The following ZBTB20 variants were observed in gnomAD, a reference collection of about 807,000 sequenced individuals.
The protein encoded by ZBTB20 is zinc finger and BTB domain-containing protein 20.
ZBTB20 carries 9 observed loss-of-function variants against 56.9 expected under a neutral mutation model. The observed-to-expected ratio is 0.16, with a 90% CI of 0.10 to 0.28. The LOEUF is 0.28. Among genes scored for constraint, ZBTB20 ranks in the 10% least tolerant of loss-of-function variants. ZBTB20 has a pLI of 1.00. For missense variants in ZBTB20, 655 were observed against 1,003.0 expected (o/e 0.65, Z 4.69); for synonymous variants, 417 against 420.7 (o/e 0.99, Z 0.11).
chr3:114,744,961 A>T (rs1002161687), intron 5 of ZBTB20, among the ~76,000 whole-genome samples: 6 of 152,160 alleles, frequency 3.9e-5, no homozygotes, highest in African/African-American at 7.2e-5. Flanking sequence ...AAGAAGAGAC[A>T]ATAGTAACAC....
intron 6 of ZBTB20, among the ~76,000 whole-genome samples, chr3:114,686,828 T>C (rs958202996): frequency 1.3e-5 from 2 of 152,140 alleles, no homozygotes; most frequent in Admixed American, 1.3e-4. Context: ...TTGGCAGAAC[T>C]TCCTTCCTTC....
intron 6 of ZBTB20, among the ~76,000 whole-genome samples, chr3:114,506,013 G>A (rs147468958): frequency 6.6e-6 from 1 of 152,094 alleles, no homozygotes; most frequent in African/African-American, 2.4e-5. Flanking sequence ...TGTGCATACA[G>A]AACCTGTGCC....
At chr3:114,579,013 T>C (rs930457427) in intron 6 of ZBTB20, among the ~76,000 whole-genome samples, 11 of 151,844 alleles carry the variant, frequency 7.2e-5, no homozygotes, top group Admixed American at 6.6e-4. Flanking sequence ...AATTAAAAGA[T>C]GCTATGTTAA....
At chr3:115,093,488 A>T (rs1293608510) in intron 1 of ZBTB20, among the ~76,000 whole-genome samples, 1 of 152,194 alleles carries the variant, frequency 6.6e-6, no homozygotes, top group Non-Finnish European at 1.5e-5. Context: ...GAAAGCCATT[A>T]TGTGAAACAA....
Position 114,350,476 on chromosome 3 carries a change from G to A in ZBTB20, c.1602C>T (p.Gly534=), listed in dbSNP as rs1200011856. Residue 534 remains glycine (G), a synonymous_variant, in exon 11 of 12, where the codon GGC becomes GGT. Transcript: ENST00000675478. ...ACACTGTCACAAACTGGGTCTGCTG[G>A]CCTGCCAGGGGCTGTGGCAGGCTGA... ...FLFSLPQPLA[G]QQTQFVTVSQ... The A allele has an allele frequency of 1.2e-6, 2 of 1,614,100 alleles. No individual in the cohort carries two copies. The highest frequency in any genetic ancestry group is 3.3e-4 in the Middle Eastern group (2 of 6,062).
At chr3:114,861,524 AT>A (rs2075528516) in intron 4 of ZBTB20, among the ~76,000 whole-genome samples, 1 of 152,192 alleles carries the variant, frequency 6.6e-6, no homozygotes, top group South Asian at 2.1e-4. Flanking sequence ...ATTCTAGACA[AT>A]TAACAAAGTC....
chr3:114,567,302 T>A (rs16822966), intron 6 of ZBTB20, among the ~76,000 whole-genome samples: 4 of 152,218 alleles, frequency 2.6e-5, no homozygotes, highest in African/African-American at 9.6e-5. Flanking sequence ...GGGAAAAAAA[T>A]TGCAGTGAAA....
intron 1 of ZBTB20, among the ~76,000 whole-genome samples, chr3:115,106,232 CTTTT>C (rs1271544340): frequency 2.3e-5 from 3 of 130,510 alleles, no homozygotes; most frequent in Non-Finnish European, 3.3e-5. Flanking sequence ...CACAATAATT[CTTTT>C]TTTTTTTTTT....
At chr3:114,951,691 C>CAAT (rs2077072031) in intron 3 of ZBTB20, among the ~76,000 whole-genome samples, 2 of 152,012 alleles carry the variant, frequency 1.3e-5, no homozygotes, top group South Asian at 4.2e-4. Context: ...CATAGAATTT[C>CAAT]AATATGACTC....
chr3:114,393,230 T>C (rs531672206), intron 7 of ZBTB20, among the ~76,000 whole-genome samples: 23 of 120,208 alleles, frequency 1.9e-4, no homozygotes, highest in African/African-American at 5.3e-4. Context: ...CTTCACCAGA[T>C]AGAACTTACT....
In ZBTB20 at chr3:114,768,836, T is replaced by C. The variant is rs532229315; in HGVS notation, c.-343+32265A>G. Among the ~76,000 whole-genome samples the C allele has an allele frequency of 3.3e-5, 5 of 152,288 alleles. No homozygotes were observed. In the East Asian group the frequency reaches 5.8e-4, roughly 18 times the overall value. ...TCATTAATATCACAAATCTAACATGTGGTAGAGCAAAGGCTAGAACTCACA... is the reference window on the plus strand; with the variant it reads ...TCATTAATATCACAAATCTAACATGCGGTAGAGCAAAGGCTAGAACTCACA... On this transcript the variant is annotated intron_variant, in intron 5 of 11. Transcript: ENST00000675478.
chr3:115,090,462 T>C (rs572368087), intron 1 of ZBTB20, among the ~76,000 whole-genome samples: 3 of 151,592 alleles, frequency 2.0e-5, no homozygotes, highest in African/African-American at 7.3e-5. Context: ...AAAGAAAATA[T>C]TAGTTTTAGG....
At position 114,550,254 on chromosome 3, in the gene ZBTB20, A is replaced by AT. The variant is rs534329312; in HGVS notation, c.-294-49864dup. ...TGCCCACCCTATAACTTCTTTATTT[A>AT]TTTTTTCTTCCCTTATCAAATTCCA... On this transcript the variant is annotated intron_variant, in intron 6 of 11. Transcript: ENST00000675478. Among the ~76,000 whole-genome samples, 4 of 151,960 alleles carry AT rather than the reference A, an allele frequency of 2.6e-5. No individual in the cohort carries two copies. In the East Asian group the frequency reaches 7.7e-4, roughly 29 times the overall value.
chr3:114,963,717 C>G (rs750832164), intron 3 of ZBTB20, among the ~76,000 whole-genome samples: 20 of 151,918 alleles, frequency 1.3e-4, no homozygotes, highest in Non-Finnish European at 2.8e-4. Flanking sequence ...ATTCCAAGTA[C>G]TATAATTGAA....
In ZBTB20 at chr3:114,508,723, G is replaced by C. The variant is rs186215564; in HGVS notation, c.-294-8332C>G. 1.5e-3 allele frequency among the ~76,000 whole-genome samples: 230 copies of C among 152,130 alleles called. 2 individuals carry two copies. Among genetic ancestry groups the C allele is most frequent in the African/African-American group, 5.2e-3 (216 of 41,520 alleles). ...AGTAAAAAAATGAATTCAAGAGAGA[G>C]AGAGAAAGAAATGTAGTTTTATTTT... On this transcript the variant is annotated intron_variant, in intron 6 of 11. Coordinates refer to ENST00000675478, the MANE Select transcript of ZBTB20 (RefSeq NM_001348800.3).
In ZBTB20 at chr3:114,437,094, G is replaced by T. The variant is rs945844123; in HGVS notation, c.-254-47989C>A. Among the ~76,000 whole-genome samples the T allele has an allele frequency of 2.0e-5, 3 of 152,224 alleles. No homozygotes were observed. In the East Asian group the frequency reaches 5.8e-4, roughly 29 times the overall value. On this transcript the variant is annotated intron_variant, in intron 7 of 11. Coordinates refer to ENST00000675478, the MANE Select transcript of ZBTB20 (RefSeq NM_001348800.3). ...GGAGGGAGGGATAGGGATAATTCTG[G>T]AACAGGGGAAGGTGAAGGAAGCAAT...
chr3:114,694,667 T>G (rs1322753512), intron 5 of ZBTB20, among the ~76,000 whole-genome samples: 1 of 151,984 alleles, frequency 6.6e-6, no homozygotes, highest in African/African-American at 2.4e-5. Flanking sequence ...GCAGAGTGCA[T>G]GAGGAGCATA....
intron 1 of ZBTB20, among the ~76,000 whole-genome samples, chr3:115,143,282 G>C (rs1188781531): frequency 6.6e-6 from 1 of 152,124 alleles, no homozygotes; most frequent in Non-Finnish European, 1.5e-5. Flanking sequence ...TTGAAAAAAT[G>C]GTTTAAATAA....
chr3:114,767,513 A>G (rs1182892245), intron 5 of ZBTB20, among the ~76,000 whole-genome samples: 1 of 151,846 alleles, frequency 6.6e-6, no homozygotes, highest in Admixed American at 6.6e-5. Flanking sequence ...AAAAGGAAGA[A>G]GGAGAGATGA....
Sources: gnomAD v4.1 joint callset for allele counts (sites outside exome capture counted in the v4.1 genomes callset) on GRCh38, gnomAD v4.1.1 for gene constraint, MANE v1.5 for transcripts, NCBI Gene and HGNC (gene_info 2026-07-23, HGNC 2026-07-21) for gene names.